The following EFCAB5 variants were observed in gnomAD, a reference collection of about 807,000 sequenced individuals.
EFCAB5 encodes the protein EF-hand calcium-binding domain-containing protein 5.
Under a neutral mutation model 167.9 loss-of-function variants are expected in EFCAB5, and 131 were observed. That is an observed-to-expected ratio of 0.78 (90% CI 0.68 to 0.90). The LOEUF (loss-of-function observed/expected upper bound fraction) is 0.90, where lower values mean the gene tolerates loss of function less well. EFCAB5 is among the 40% of genes least tolerant of loss of function. EFCAB5 has a pLI of 0.00. For missense variants in EFCAB5, 1,663 were observed against 1,745.2 expected (o/e 0.95, Z 0.84); for synonymous variants, 574 against 602.8 (o/e 0.95, Z 0.70).
upstream of EFCAB5, among the ~76,000 whole-genome samples, chr17:29,937,694 G>A (rs1597548197): frequency 2.0e-5 from 3 of 152,300 alleles, no homozygotes; most frequent in East Asian, 5.8e-4. Context: ...GATCCTGCCA[G>A]TTACCAGTAT....
intron 14 of EFCAB5, among the ~76,000 whole-genome samples, chr17:30,076,190 G>A (rs1300313555): frequency 3.3e-5 from 5 of 152,178 alleles, no homozygotes; most frequent in Non-Finnish European, 7.4e-5. Flanking sequence ...GTGGTAACCA[G>A]GTCCAGTTTC....
rs550314734 is a variant in EFCAB5 at position 30,015,415 on chromosome 17, C to T, written c.1044+15439C>T. The stretch of plus-strand genomic sequence containing the variant: ...TGTTTTCCAGCTTGGTTCCATTCTC[C>T]CCGTCACTTTCAGGTACACCAATCA... On this transcript the variant is annotated intron_variant, in intron 7 of 22. Coordinates refer to ENST00000394835, the MANE Select transcript of EFCAB5 (RefSeq NM_198529.4). Among the ~76,000 whole-genome samples, 6 of 152,296 alleles carry T rather than the reference C, an allele frequency of 3.9e-5. No homozygotes were observed. The East Asian group carries it at 1.2e-3, about 29-fold the overall frequency.
intron 7 of EFCAB5, among the ~76,000 whole-genome samples, chr17:30,031,034 C>T (rs1733067134): frequency 6.6e-6 from 1 of 151,670 alleles, no homozygotes; most frequent in South Asian, 2.1e-4. Flanking sequence ...TTTTTTTCAG[C>T]ATTAGAGGAT....
intron 6 of EFCAB5, among the ~76,000 whole-genome samples, chr17:29,997,177 G>A (rs1438712272): frequency 3.3e-5 from 5 of 151,640 alleles, no homozygotes; most frequent in African/African-American, 9.7e-5. Flanking sequence ...CCCAGGAGGC[G>A]GAGGTTGCAG....
chr17:30,051,241 T>C, intron 9 of EFCAB5, 24 bp downstream of exon 9: 1 of 1,606,912 alleles, frequency 6.2e-7, no homozygotes, highest in South Asian at 1.1e-5. Flanking sequence ...AGAGGGAGTA[T>C]GTTCAAGCTG....
chr17:29,992,740 A>C (rs984637803), intron 4 of EFCAB5, among the ~76,000 whole-genome samples: 1 of 152,214 alleles, frequency 6.6e-6, no homozygotes, highest in African/African-American at 2.4e-5. Context: ...GAATAGTGTC[A>C]CAGTGAACAT....
At chr17:30,047,069 T>C (rs945920578) in intron 8 of EFCAB5, among the ~76,000 whole-genome samples, 1 of 152,218 alleles carries the variant, frequency 6.6e-6, no homozygotes, top group African/African-American at 2.4e-5. Context: ...AGTATTGCTA[T>C]ACTTTGCAGT....
intron 6 of EFCAB5, among the ~76,000 whole-genome samples, chr17:29,996,681 G>A (rs745899898): frequency 1.3e-4 from 20 of 152,086 alleles, no homozygotes; most frequent in Non-Finnish European, 1.8e-4. Flanking sequence ...TGATGTAAAC[G>A]AGAAATAAAA....
In EFCAB5 at chr17:30,053,630, G is replaced by A. The variant is rs762656973; in HGVS notation, c.1676G>A (p.Ser559Asn). Residue 559 changes from serine to asparagine, a missense_variant, in exon 10 of 23, where the codon AGT (serine) becomes AAT (asparagine). By Grantham distance (46) the Ser-to-Asn change is conservative. Transcript: ENST00000394835. ...HTESTLEQGS[S>N]RRLLTEQETH... is the part of the protein sequence containing the mutation. ...GAGTCAACTCTAGAACAAGGGTCAA[G>A]TAGAAGGTTACTGACAGAACAAGAA... 6.2e-7 allele frequency: 1 copy of A among 1,613,832 alleles called. No individual in the cohort carries two copies. Among genetic ancestry groups the A allele is most frequent in the East Asian group, 2.2e-5 (1 of 44,884 alleles).
chr17:29,934,271 A>C (rs2067227221), intron 1 of EFCAB5, among the ~76,000 whole-genome samples: 2 of 152,240 alleles, frequency 1.3e-5, no homozygotes, highest in African/African-American at 4.8e-5. Context: ...TTTCACAACA[A>C]TTCAAAATTT....
intron 8 of EFCAB5, among the ~76,000 whole-genome samples, chr17:30,046,966 G>A (rs1029749126): frequency 3.9e-5 from 6 of 152,200 alleles, no homozygotes; most frequent in Non-Finnish European, 7.3e-5. Context: ...CTAATTTCTA[G>A]CAGCAGAAAG....
chr17:30,018,722 C>G (rs1334054877), intron 7 of EFCAB5, among the ~76,000 whole-genome samples: 2 of 152,096 alleles, frequency 1.3e-5, no homozygotes, highest in Admixed American at 6.6e-5. Context: ...AAACTCTACC[C>G]TTTTATCTCA....
chr17:30,077,230 A>G (rs2070885777), intron 14 of EFCAB5, among the ~76,000 whole-genome samples: 1 of 152,182 alleles, frequency 6.6e-6, no homozygotes, highest in Admixed American at 6.5e-5. Context: ...TGAATCTGGG[A>G]GATGGAGGTT....
chr17:30,101,121 G>T (rs2071377309), intron 22 of EFCAB5, among the ~76,000 whole-genome samples: 1 of 152,246 alleles, frequency 6.6e-6, no homozygotes, highest in South Asian at 2.1e-4. Flanking sequence ...TCCAAAGTGT[G>T]GGATTACAAG....
In EFCAB5 at chr17:29,930,323, T is replaced by G. The variant is rs1597537838; in HGVS notation, c.-127+994T>G. ...TCGTAACCCTTGAGTTGCCGGAAGC[T>G]GGCCGAGTGCGTGCGCCTCGGGCCG... On this transcript the variant is annotated intron_variant, in intron 1 of 3. Coordinates refer to the EFCAB5 transcript ENST00000448319. 3.9e-5 allele frequency: 14 copies of G among 362,118 alleles called. No individual in the cohort carries two copies. The East Asian group carries it at 7.5e-4, about 19-fold the overall frequency. 22.4% of individuals were successfully genotyped at this position (362,118 alleles called of 1,614,324 possible). A position where few individuals can be genotyped will look rare whatever the true frequency, so the allele number is the denominator to read the frequency against.
chr17:30,051,397 A>G (rs1483206331), intron 9 of EFCAB5, among the ~76,000 whole-genome samples, 180 bp downstream of exon 9: 1 of 152,018 alleles, frequency 6.6e-6, no homozygotes, highest in Admixed American at 6.6e-5. Flanking sequence ...CACGAAATTC[A>G]CTCTTCATCA....
At chr17:29,975,455 C>T (rs529576568) in intron 4 of EFCAB5, among the ~76,000 whole-genome samples, 2 of 152,226 alleles carry the variant, frequency 1.3e-5, no homozygotes, top group African/African-American at 4.8e-5. Context: ...TGGGGTTTCA[C>T]CATGTTGGCC....
In EFCAB5 at chr17:30,056,407, A is replaced by AT. The variant is rs1178177500; in HGVS notation, c.2365+257dup. Among the ~76,000 whole-genome samples the AT allele has an allele frequency of 2.6e-5, 4 of 152,144 alleles. No individual in the cohort carries two copies. In the South Asian group the frequency reaches 6.2e-4, roughly 24 times the overall value. ...TTTAAAACTTATGGCATTAGTACCC[A>AT]TTTTTTAACCATGATATGGCCCTAC... On this transcript the variant is annotated intron_variant, in intron 12 of 22. Coordinates refer to ENST00000394835, the MANE Select transcript of EFCAB5 (RefSeq NM_198529.4).
chr17:30,106,190 C>T (rs916841312), intron 22 of EFCAB5, among the ~76,000 whole-genome samples: 8 of 151,488 alleles, frequency 5.3e-5, no homozygotes, highest in African/African-American at 1.2e-4. Flanking sequence ...TTTAGGAGGC[C>T]GAGGTGGGAG....
Sources: allele counts gnomAD v4.1 joint callset (sites outside exome capture counted in the v4.1 genomes callset), GRCh38; gene constraint gnomAD v4.1.1; transcripts MANE v1.5; gene names NCBI Gene and HGNC (gene_info 2026-07-23, HGNC 2026-07-21).